The following PTPRG variants were observed in gnomAD, a reference collection of about 807,000 sequenced individuals.
The protein encoded by PTPRG is receptor-type tyrosine-protein phosphatase gamma.
A neutral mutation model predicts 165.3 loss-of-function variants in PTPRG; 102 were observed. The ratio of observed to expected loss-of-function variants is 0.62; its 90% CI spans 0.53 to 0.73. The LOEUF (loss-of-function observed/expected upper bound fraction) is 0.73, where lower values mean the gene tolerates loss of function less well. Ranked by LOEUF, PTPRG falls within the 30% of genes least tolerant of loss-of-function variation. The probability of loss-of-function intolerance (pLI) is 0.00; values close to 1 mark genes in which losing one functional copy is unlikely to be tolerated. For synonymous variants in PTPRG, 675 were observed against 669.5 expected (o/e 1.01, Z -0.13); for missense variants, 1,866 against 1,861.4 (o/e 1.00, Z -0.05).
intron 2 of PTPRG, among the ~76,000 whole-genome samples, chr3:61,886,042 C>A (rs2038027861): frequency 6.6e-6 from 1 of 151,806 alleles, no homozygotes; most frequent in South Asian, 2.1e-4. Context: ...TGACCCAGGA[C>A]AACTCGAGCA....
At chr3:62,180,828 G>A (rs1237514726) in intron 8 of PTPRG, among the ~76,000 whole-genome samples, 11 of 152,144 alleles carry the variant, frequency 7.2e-5, no homozygotes, top group Admixed American at 7.2e-4. Context: ...GGTAAGAGAG[G>A]TCAGGGAGAG....
intron 16 of PTPRG, chr3:62,260,950 G>C (rs1012134870): frequency 6.6e-6 from 1 of 152,172 alleles, no homozygotes; most frequent in African/African-American, 2.4e-5. Flanking sequence ...CAACAGATCA[G>C]ACAAGGGGTT....
chr3:61,662,855 A>G (rs1702704213), intron 1 of PTPRG, among the ~76,000 whole-genome samples: 1 of 152,196 alleles, frequency 6.6e-6, no homozygotes, highest in Admixed American at 6.5e-5. Flanking sequence ...GTGATGGTGC[A>G]TATGTCTGTC....
intron 1 of PTPRG, among the ~76,000 whole-genome samples, chr3:61,642,925 A>T (rs1702104200): frequency 6.6e-6 from 1 of 152,202 alleles, no homozygotes; most frequent in Non-Finnish European, 1.5e-5. Flanking sequence ...TGACAGTAGA[A>T]TACTTTACCT....
intron 3 of PTPRG, among the ~76,000 whole-genome samples, chr3:61,993,626 AAAATT>A (rs2040951334): frequency 6.6e-6 from 1 of 152,236 alleles, no homozygotes; most frequent in African/African-American, 2.4e-5. Context: ...TATTCTGAGA[AAAATT>A]AAAAGTTTAA....
At chr3:62,263,952 C>A (rs939020152) in intron 17 of PTPRG, 1 of 152,178 alleles carries the variant, frequency 6.6e-6, no homozygotes, top group African/African-American at 2.4e-5. Context: ...TCGAGACCAT[C>A]CTGGCTAATG....
At chr3:61,673,052 G>A (rs561389525) in intron 1 of PTPRG, among the ~76,000 whole-genome samples, 18 of 152,174 alleles carry the variant, frequency 1.2e-4, no homozygotes, top group African/African-American at 4.3e-4. Context: ...CTAGCTACTC[G>A]GAGAGACTGA....
At chr3:61,761,937 GTTC>G (rs1442698166) in intron 2 of PTPRG, among the ~76,000 whole-genome samples, 35 of 152,270 alleles carry the variant, frequency 2.3e-4, no homozygotes, top group African/African-American at 7.5e-4. Flanking sequence ...TTAGGCTGAT[GTTC>G]TTCTTTTTAG....
At chr3:61,625,184 G>A (rs567727810) in intron 1 of PTPRG, among the ~76,000 whole-genome samples, 5 of 150,936 alleles carry the variant, frequency 3.3e-5, no homozygotes, top group East Asian at 3.9e-4. Context: ...GGTCACATTC[G>A]GAGATACTAG....
intron 2 of PTPRG, among the ~76,000 whole-genome samples, chr3:61,766,579 A>ACATGTATTAT (rs1261417422): frequency 6.6e-6 from 1 of 151,902 alleles, no homozygotes; most frequent in Non-Finnish European, 1.5e-5. Flanking sequence ...TTCGTATCAC[A>ACATGTATTAT]CATGTATTAT....
At chr3:61,590,663 T>C (rs1335238528) in intron 1 of PTPRG, among the ~76,000 whole-genome samples, 2 of 152,272 alleles carry the variant, frequency 1.3e-5, no homozygotes, top group Admixed American at 6.5e-5. Context: ...AGTATATTTA[T>C]AGAAATACAT....
At chr3:62,239,241 A>T (rs1198961339) in intron 14 of PTPRG, among the ~76,000 whole-genome samples, 2 of 152,162 alleles carry the variant, frequency 1.3e-5, no homozygotes, top group Admixed American at 6.6e-5. Flanking sequence ...GAGGGTCTGT[A>T]AGGGTAAGTT....
chr3:61,632,951 C>T (rs1374729747), intron 1 of PTPRG, among the ~76,000 whole-genome samples: 1 of 152,154 alleles, frequency 6.6e-6, no homozygotes, highest in African/African-American at 2.4e-5. Flanking sequence ...CGGCTGTTTC[C>T]AGAATTTATG....
At chr3:61,797,581 A>ACCCCCCCCC (rs10541580) in intron 2 of PTPRG, among the ~76,000 whole-genome samples, 20 of 127,428 alleles carry the variant, frequency 1.6e-4, no homozygotes, top group Admixed American at 4.9e-4. Context: ...TTATCTCCAC[A>ACCCCCCCCC]CCCCCCCCCA....
chr3:61,964,719 C>T (rs572555217), intron 2 of PTPRG, among the ~76,000 whole-genome samples: 10 of 152,072 alleles, frequency 6.6e-5, no homozygotes, highest in Admixed American at 5.9e-4. Context: ...GTCCTTGTGT[C>T]GTGGTTTTAC....
At chr3:62,130,429 C>T (rs1576040256) in intron 5 of PTPRG, among the ~76,000 whole-genome samples, 2 of 152,150 alleles carry the variant, frequency 1.3e-5, no homozygotes, top group South Asian at 4.2e-4. Context: ...TGTACACTTT[C>T]CATAGAGGAG....
intron 3 of PTPRG, among the ~76,000 whole-genome samples, chr3:61,996,127 TG>T (rs1358878891): frequency 2.0e-5 from 3 of 152,200 alleles, no homozygotes; most frequent in Non-Finnish European, 4.4e-5. Context: ...TGTTTTTATT[TG>T]TTGTATCTGT....
chr3:61,574,383 T>C (rs944355098), intron 1 of PTPRG, among the ~76,000 whole-genome samples: 4 of 152,362 alleles, frequency 2.6e-5, no homozygotes, highest in South Asian at 2.1e-4. Flanking sequence ...GTGATTCTAA[T>C]GTGCACAGGC....
chr3:61,767,598 T>C (rs1374199960), intron 2 of PTPRG, among the ~76,000 whole-genome samples: 1 of 152,184 alleles, frequency 6.6e-6, no homozygotes, highest in Non-Finnish European at 1.5e-5. Flanking sequence ...ATATAAAAGG[T>C]AGAAAATATA....
Sources: gnomAD v4.1 joint callset for allele counts (sites outside exome capture counted in the v4.1 genomes callset) on GRCh38, gnomAD v4.1.1 for gene constraint, MANE v1.5 for transcripts, NCBI Gene and HGNC (gene_info 2026-07-23, HGNC 2026-07-21) for gene names.